COL14A1: variants seen among roughly 807,000 people sequenced by gnomAD.
COL14A1 encodes collagen type XIV alpha 1 chain.
A neutral mutation model predicts 230.3 loss-of-function variants in COL14A1; 136 were observed. That is an observed-to-expected ratio of 0.59 (90% CI 0.51 to 0.68). COL14A1 has a LOEUF of 0.68. COL14A1 is among the 30% of genes least tolerant of loss of function. The pLI is 0.00. For missense variants in COL14A1, 1,976 were observed against 2,215.8 expected (o/e 0.89, Z 2.17); for synonymous variants, 792 against 784.1 (o/e 1.01, Z -0.17).
At chr8:120,296,842 A>G (rs536213923) in intron 34 of COL14A1, among the ~76,000 whole-genome samples, 3 of 152,098 alleles carry the variant, frequency 2.0e-5, no homozygotes, top group African/African-American at 7.2e-5. Flanking sequence ...CATTCTCACA[A>G]TACTGAATGT....
chr8:120,310,118 T>C, intron 37 of COL14A1, 56 bp downstream of exon 37: 3 of 1,563,114 alleles, frequency 1.9e-6, no homozygotes, highest in Non-Finnish European at 2.6e-6. Flanking sequence ...CTCTCATAAA[T>C]AGCCATCATT....
intron 33 of COL14A1, 76 bp downstream of exon 33, chr8:120,286,046 G>A: frequency 1.2e-6 from 1 of 843,158 alleles, no homozygotes; most frequent in Non-Finnish European, 1.9e-6. Flanking sequence ...CAATTCCATA[G>A]GGCTTTGGAT....
intron 40 of COL14A1, among the ~76,000 whole-genome samples, chr8:120,321,307 G>A (rs1821431473): frequency 6.6e-6 from 1 of 152,044 alleles, no homozygotes; most frequent in Admixed American, 6.6e-5. Context: ...GAAGAGAACA[G>A]CTACTAAAAC....
chr8:120,368,149 T>C (rs1042038082), intron 46 of COL14A1, among the ~76,000 whole-genome samples: 2 of 152,118 alleles, frequency 1.3e-5, no homozygotes, highest in Non-Finnish European at 2.9e-5. Flanking sequence ...TGTAAAAGTT[T>C]TGAGTTTTGT....
At chr8:120,274,983 G>GA (rs199622701) in intron 26 of COL14A1, among the ~76,000 whole-genome samples, 2 of 82,242 alleles carry the variant, frequency 2.4e-5, no homozygotes, top group Non-Finnish European at 4.7e-5. Flanking sequence ...CACAGAATTA[G>GA]AAAAAAAATC....
In COL14A1 at chr8:120,300,823, G is replaced by T; in HGVS notation, c.4401+5G>T. 6.2e-7 allele frequency: 1 copy of T among 1,608,788 alleles called. No individual in the cohort carries two copies. The highest frequency in any genetic ancestry group is 8.5e-7 in the Non-Finnish European group (1 of 1,176,866). ...CTGGGACCAGCGGGCCCACCAGTAA[G>T]TCTTGCTGAGTTCAGCCTTAAATTT... On this transcript the variant is annotated splice_donor_5th_base_variant and intron_variant, in intron 36 of 47. Coordinates refer to ENST00000297848, the MANE Select transcript of COL14A1 (RefSeq NM_021110.4).
chr8:120,267,658 A>G (rs561089184), intron 25 of COL14A1, among the ~76,000 whole-genome samples: 4 of 152,034 alleles, frequency 2.6e-5, no homozygotes, highest in African/African-American at 7.2e-5. Flanking sequence ...CTCGGTGTCA[A>G]GAGTGATCCA....
At chr8:120,133,047 CT>C (rs1814587132) in intron 1 of COL14A1, among the ~76,000 whole-genome samples, 1 of 152,010 alleles carries the variant, frequency 6.6e-6, no homozygotes, top group Non-Finnish European at 1.5e-5. Flanking sequence ...GAAACCCCGT[CT>C]CTACTAAAAA....
chr8:120,233,709 T>C lies in COL14A1; in HGVS notation c.2349+2091T>C, dbSNP rs544710002. Among the ~76,000 whole-genome samples the C allele has an allele frequency of 9.6e-4, 146 of 152,324 alleles. 3 individuals carry two copies. In the Middle Eastern group the frequency reaches 0.01, roughly 11 times the overall value. ...TTTTGGTACCAATACCAAGCTGTTT[T>C]GGTTACTGTGGCCTTGGACTATAGT... is the stretch of plus-strand genomic sequence containing the variant. On this transcript the variant is annotated intron_variant, in intron 19 of 47. Transcript: ENST00000297848.
chr8:120,250,706 A>C lies in COL14A1; in HGVS notation c.2692A>C (p.Lys898Gln). Residue 898 changes from lysine to glutamine, a missense_variant, in exon 22 of 48, where the codon AAG becomes CAG. By Grantham distance (53) the Lys-to-Gln change is moderately conservative (BLOSUM62 1). Transcript: ENST00000297848. ...NLLSGMDYNVKIFASQASGFS... is the reference protein window; with the variant it reads ...NLLSGMDYNVQIFASQASGFS... ...CCTCAGCGGAATGGACTACAATGTG[A>C]AGATATTTGCCTCCCAGGCCTCAGG... The C allele has an allele frequency of 6.2e-7, 1 of 1,614,232 alleles. No individual in the cohort carries two copies. The highest frequency in any genetic ancestry group is 8.5e-7 in the Non-Finnish European group (1 of 1,180,046).
intron 5 of COL14A1, among the ~76,000 whole-genome samples, chr8:120,190,591 T>C (rs189325956): frequency 6.6e-5 from 10 of 152,286 alleles, no homozygotes; most frequent in Non-Finnish European, 1.5e-4. Flanking sequence ...AATGCCTAGG[T>C]TTTCTCCTCT....
chr8:120,212,345 C>G, intron 12 of COL14A1, 103 bp from the exon 13 acceptor site: 3 of 1,159,666 alleles, frequency 2.6e-6, no homozygotes, highest in Non-Finnish European at 3.7e-6. Context: ...TGTAACAGGA[C>G]GTAAAGTCTT....
At chr8:120,245,955 A>G (rs1185182973) in intron 20 of COL14A1, among the ~76,000 whole-genome samples, 2 of 152,178 alleles carry the variant, frequency 1.3e-5, no homozygotes, top group Non-Finnish European at 2.9e-5. Flanking sequence ...CTCAGATCCA[A>G]ATAAACAGTC....
rs567300974 is a variant in COL14A1, at chr8:120,219,349, C to T, written c.1737+2859C>T. On this transcript the variant is annotated intron_variant, in intron 14 of 47. Coordinates refer to ENST00000297848, the MANE Select transcript of COL14A1 (RefSeq NM_021110.4). ...AAACTCCTGGGCTCAAGGGATTCAT[C>T]TGCCTTGGCCTCCCAAAGTGCTGGA... Among the ~76,000 whole-genome samples the T allele has an allele frequency of 1.5e-4, 23 of 152,284 alleles. No homozygotes were observed. The South Asian group carries it at 2.9e-3, about 19-fold the overall frequency.
rs142591963 is a variant in COL14A1 at position 120,302,626 on chromosome 8, C to T, written c.4401+1808C>T. ...GTCTGTTTTTGTACCAGTACCATAC[C>T]GTTTTGATTACCATAGCCCTATAGT... On this transcript the variant is annotated intron_variant, in intron 36 of 47. Coordinates refer to ENST00000297848, the MANE Select transcript of COL14A1 (RefSeq NM_021110.4). Among the ~76,000 whole-genome samples, 963 of 152,062 alleles carry T rather than the reference C, an allele frequency of 6.3e-3. 10 individuals are homozygous for T. Among genetic ancestry groups the T allele is most frequent in the African/African-American group, 0.022 (906 of 41,510 alleles).
intron 19 of COL14A1, among the ~76,000 whole-genome samples, chr8:120,232,923 A>G (rs1239811844): frequency 6.6e-6 from 1 of 152,134 alleles, no homozygotes; most frequent in East Asian, 1.9e-4. Flanking sequence ...CCTCTCTAGC[A>G]TCTGTTGTTT....
Position 120,369,337 on chromosome 8 carries a change from A to G in COL14A1, c.5163A>G (p.Ser1721=). 6.3e-7 allele frequency: 1 copy of G among 1,584,200 alleles called. No homozygotes were observed. The highest frequency in any genetic ancestry group is 8.6e-7 in the Non-Finnish European group (1 of 1,166,344). The change falls in exon 47 of 48, where the codon TCA becomes TCG. Residue 1721 remains serine (S), a synonymous_variant. Transcript: ENST00000297848. ...PRGPPGPAGP[S]GESRPGSPGP... ...TCTGTGGGTACTTCTTAGGACCTTC[A>G]GGGGAGAGTCGGCCTGGCAGCCCTG... is the stretch of plus-strand genomic sequence containing the variant.
chr8:120,367,501 C>T (rs1329338652), intron 46 of COL14A1, among the ~76,000 whole-genome samples: 3 of 152,166 alleles, frequency 2.0e-5, no homozygotes, highest in East Asian at 3.8e-4. Context: ...GTAACAAATA[C>T]ATCCCAAATG....
intron 36 of COL14A1, among the ~76,000 whole-genome samples, chr8:120,309,021 G>C (rs541465963): frequency 6.6e-6 from 1 of 152,080 alleles, no homozygotes; most frequent in Non-Finnish European, 1.5e-5. Context: ...TGCAAGGTCC[G>C]CCTCCCAGGT....
Sources: gnomAD v4.1 joint callset for allele counts (sites outside exome capture counted in the v4.1 genomes callset) on GRCh38, gnomAD v4.1.1 for gene constraint, MANE v1.5 for transcripts, NCBI Gene and HGNC (gene_info 2026-07-23, HGNC 2026-07-21) for gene names.